Variants in LCN8 observed in about 807,000 individuals in gnomAD.
The protein encoded by LCN8 is lipocalin 8, also known as epididymal-specific lipocalin-8.
LCN8 carries 16 observed loss-of-function variants against 22.8 expected under a neutral mutation model. The ratio of observed to expected loss-of-function variants is 0.70; its 90% confidence interval spans 0.47 to 1.06. The LOEUF (loss-of-function observed/expected upper bound fraction) is 1.06, where lower values mean the gene tolerates loss of function less well. LCN8 is among the 50% of genes least tolerant of loss of function. LCN8 has a pLI of 0.00. For missense variants in LCN8, 189 were observed against 203.3 expected, an observed-to-expected ratio of 0.93 and a Z score of 0.43; for synonymous variants, 92 against 83.4, an observed-to-expected ratio of 1.10 and a Z score of -0.56.
In LCN8 at chr9:136,757,914, C is replaced by T. The variant is rs768667904; in HGVS notation, c.17G>A (p.Arg6Gln). The T allele has an allele frequency of 4.4e-5, 71 of 1,613,622 alleles. No homozygotes were observed. Among genetic ancestry groups the T allele is most frequent in the East Asian group, 1.1e-4 (5 of 44,892 alleles). Residue 6 changes from arginine to glutamine, a missense_variant, in exon 1 of 7, where the codon CGG (arginine) becomes CAG (glutamine). Transcript: ENST00000371688. ...CTAAGAAGGAGAAGCCACCTTCTGC[C>T]GGTCCAGCTCCTCCATGGCTGCTGC... The part of the protein sequence containing the change: MEELD[R>Q]QKIGGFWREV...
Position 136,756,144 on chromosome 9 carries a change from GGAACAGCGCAGGGAACAGCATGA to G in LCN8, c.226+355_226+377del, listed in dbSNP as rs1564331676. 1.5e-3 allele frequency: 1,415 copies of G among 919,270 alleles called. 35 individuals carry two copies. The highest frequency in any genetic ancestry group is 0.013 in the South Asian group (739 of 56,240). The allele number at this position is 919,270 out of a possible 1,614,324, so 56.9% of individuals were successfully genotyped here. ...GGGAACAGCGCAGGGAACAGCATGT[GGAACAGCGCAGGGAACAGCATGA>G]GGAACAGTGCAGGGAACAGCATGGG... On this transcript the variant is annotated intron_variant, in intron 3 of 6. Coordinates refer to ENST00000371688, the MANE Select transcript of LCN8 (RefSeq NM_178469.4).
rs972636957 is a variant in LCN8 at position 136,754,412 on chromosome 9, G to T, written c.*86C>A. The T allele has an allele frequency of 7.1e-5, 109 of 1,538,518 alleles. No individual in the cohort carries two copies. In the African/African-American group the frequency reaches 1.3e-3, roughly 19 times the overall value. ...TGACTTCACAGTTTATTCAGAGCAG[G>T]TGCAGGTGACCTGGTGGGCAGGGTG... On this transcript the variant is annotated 3_prime_UTR_variant, in exon 7 of 7. Transcript: ENST00000371688.
In LCN8 at chr9:136,757,895, A is replaced by G; in HGVS notation, c.24+12T>C. ...GTAGGAGGAGCCCCACCAACTAAGA[A>G]GGAGAAGCCACCTTCTGCCGGTCCA... On this transcript the variant is annotated intron_variant, in intron 1 of 6. Transcript: ENST00000371688. 6.2e-7 allele frequency: 1 copy of G among 1,613,742 alleles called. No homozygotes were observed.
rs765166041 is a variant in LCN8, at chr9:136,756,510, A to T, written c.226+12T>A. 1 of 1,614,140 alleles carries T rather than the reference A, an allele frequency of 6.2e-7. No homozygotes were observed. The highest frequency in any genetic ancestry group is 8.5e-7 in the Non-Finnish European group (1 of 1,180,016). On this transcript the variant is annotated intron_variant, in intron 3 of 6. Coordinates refer to ENST00000371688, the MANE Select transcript of LCN8 (RefSeq NM_178469.4). ...CGGGTTCCACCTGCCATCACAGGGCAACTGCACTTACCAGGAAAAGCGAAT... is the reference window on the plus strand; with the variant it reads ...CGGGTTCCACCTGCCATCACAGGGCTACTGCACTTACCAGGAAAAGCGAAT...
upstream of LCN8, chr9:136,758,355 G>A (rs1359505156): frequency 5.8e-6 from 6 of 1,043,186 alleles, no homozygotes; most frequent in Non-Finnish European, 7.0e-6. Flanking sequence ...TCTGGCCTGC[G>A]CTGCGAGGGC....
At chr9:136,756,740 T>TA in intron 2 of LCN8, 148 bp from the exon 3 acceptor site, 1 of 1,271,742 alleles carries the variant, frequency 7.9e-7, no homozygotes, top group Non-Finnish European at 1.1e-6. Context: ...GCGGGGAATG[T>TA]GCCAGGTGGG....
At chr9:136,758,424 C>A, upstream of LCN8, 1 of 995,914 alleles carries the variant, frequency 1.0e-6, no homozygotes, top group Non-Finnish European at 1.2e-6. Flanking sequence ...CCACCCCACG[C>A]CTGGCCCTTT....
intron 2 of LCN8, 42 bp downstream of exon 2, chr9:136,756,996 C>T (rs1284666595): frequency 6.2e-7 from 1 of 1,603,080 alleles, no homozygotes; most frequent in African/African-American, 1.3e-5. Flanking sequence ...AGTCCCCGGC[C>T]ATGCATGCCT....
chr9:136,755,373 G>A (rs1318825394), intron 4 of LCN8, 39 bp downstream of exon 4: 1 of 1,610,626 alleles, frequency 6.2e-7, no homozygotes, highest in Non-Finnish European at 8.5e-7. Context: ...GTCCCTGGGA[G>A]AGCAGCAGCT....
At chr9:136,757,837 G>A (rs1317237585) in intron 1 of LCN8, 70 bp downstream of exon 1, 8 of 1,612,564 alleles carry the variant, frequency 5.0e-6, no homozygotes, top group Non-Finnish European at 6.8e-6. Flanking sequence ...CACCGGGAGA[G>A]GCCTCCTTCC....
chr9:136,756,570 T>C lies in LCN8; in HGVS notation c.178A>G (p.Lys60Glu). ...YNSSGSCEIE[K>E]IVGSEIDSTG... ...CTGTCTATTTCTGAGCCCACGATCT[T>C]CTCTATCTCACAGCTTCCTGAGCTG... The change falls in exon 3 of 7, where the codon AAG becomes GAG. Residue 60 changes from lysine to glutamate, a missense_variant. Coordinates refer to ENST00000371688, the MANE Select transcript of LCN8 (RefSeq NM_178469.4). The C allele has an allele frequency of 6.2e-7, 1 of 1,613,896 alleles. No homozygotes were observed. Among genetic ancestry groups the C allele is most frequent in the Non-Finnish European group, 8.5e-7 (1 of 1,179,908 alleles).
chr9:136,756,964 G>A (rs1246947214), intron 2 of LCN8, 74 bp downstream of exon 2: 13 of 1,511,028 alleles, frequency 8.6e-6, no homozygotes, highest in Non-Finnish European at 1.1e-5. Context: ...CCACGCTGCA[G>A]CGGGTGCAGC....
chr9:136,756,097 G>T, intron 3 of LCN8: 1 of 1,122,168 alleles, frequency 8.9e-7, no homozygotes. Flanking sequence ...ACAGCATGGG[G>T]AACAGTGCAG....
chr9:136,757,543 A>G, intron 1 of LCN8: 2 of 1,363,942 alleles, frequency 1.5e-6, no homozygotes, highest in Non-Finnish European at 9.5e-7. Context: ...CGGAGTGAGA[A>G]ACGCCAGAGA....
At chr9:136,758,330 T>C, upstream of LCN8, 1 of 1,099,832 alleles carries the variant, frequency 9.1e-7, no homozygotes, top group Non-Finnish European at 1.1e-6. Context: ...ATGACACTTG[T>C]TTTTTTGGGC....
Position 136,754,467 on chromosome 9 carries a change from C to G in LCN8, c.*31G>C. 6.4e-7 allele frequency: 1 copy of G among 1,556,764 alleles called. No individual in the cohort carries two copies. The highest frequency in any genetic ancestry group is 8.7e-7 in the Non-Finnish European group (1 of 1,150,006). Reference sequence around the variant, plus strand: ...GGAGGGGCAGGGGTGGGCGGGCGCTCCGAACCTTGTGGTCTGAGGCAGGAA... The same window carrying G: ...GGAGGGGCAGGGGTGGGCGGGCGCTGCGAACCTTGTGGTCTGAGGCAGGAA... On this transcript the variant is annotated 3_prime_UTR_variant, in exon 7 of 7. Coordinates refer to ENST00000371688, the MANE Select transcript of LCN8 (RefSeq NM_178469.4).
chr9:136,757,018 G>A lies in LCN8; in HGVS notation c.155+20C>T, dbSNP rs1847224486. ...GGCCATGCATGCCTCTTCCTCTCCA[G>A]CAGCCCCCAGGCCTCTTACCTGTTA... On this transcript the variant is annotated intron_variant, in intron 2 of 6. Coordinates refer to ENST00000371688, the MANE Select transcript of LCN8 (RefSeq NM_178469.4). 1 of 1,610,674 alleles carries A rather than the reference G, an allele frequency of 6.2e-7. No individual in the cohort carries two copies. Among genetic ancestry groups the A allele is most frequent in the Non-Finnish European group, 8.5e-7 (1 of 1,178,700 alleles).
At chr9:136,756,744 A>T in intron 2 of LCN8, 152 bp from the exon 3 acceptor site, 35 of 1,223,670 alleles carry the variant, frequency 2.9e-5, no homozygotes, top group Non-Finnish European at 4.0e-5. Flanking sequence ...GGAATGTGCC[A>T]GGTGGGGCCT....
intron 1 of LCN8, 39 bp downstream of exon 1, chr9:136,757,868 G>T (rs754501835): frequency 1.2e-6 from 2 of 1,613,642 alleles, no homozygotes; most frequent in Non-Finnish European, 1.7e-6. Flanking sequence ...GGGGTTGGGG[G>T]TGTAGGAGGA....
Sources: allele counts gnomAD v4.1 joint callset, GRCh38; gene constraint gnomAD v4.1.1; transcripts MANE v1.5; gene names NCBI Gene and HGNC (gene_info 2026-07-23, HGNC 2026-07-21).